Variants in LRRTM4 observed in about 807,000 individuals in gnomAD.
LRRTM4 encodes the protein leucine rich repeat transmembrane neuronal 4.
Under a neutral mutation model 47.6 loss-of-function variants are expected in LRRTM4, and 25 were observed. The observed-to-expected ratio is 0.53, with a 90% CI of 0.38 to 0.73. LRRTM4 has a LOEUF of 0.73. Ranked by LOEUF, LRRTM4 falls within the 30% of genes least tolerant of loss-of-function variation. The pLI is 0.00. For synonymous variants in LRRTM4, 311 were observed against 269.5 expected, an observed-to-expected ratio of 1.15 and a Z score of -1.51; for missense variants, 638 against 713.4, an observed-to-expected ratio of 0.89 and a Z score of 1.20.
At chr2:77,315,130 T>G (rs545513059) in intron 3 of LRRTM4, among the ~76,000 whole-genome samples, 3 of 152,328 alleles carry the variant, frequency 2.0e-5, no homozygotes, top group African/African-American at 7.2e-5. Flanking sequence ...ATTTGTACAC[T>G]GTTGCATGTA....
At chr2:77,031,947 C>CA (rs1395698858) in intron 3 of LRRTM4, among the ~76,000 whole-genome samples, 1 of 152,040 alleles carries the variant, frequency 6.6e-6, no homozygotes, top group African/African-American at 2.4e-5. Flanking sequence ...ACATGATTGT[C>CA]AACTCCTCTT....
chr2:76,909,093 ATAC>A lies in LRRTM4; in HGVS notation c.1552-160180_1552-160178del, dbSNP rs1249836332. Among the ~76,000 whole-genome samples the A allele has an allele frequency of 4.6e-5, 7 of 152,330 alleles. No individual in the cohort carries two copies. The East Asian group carries it at 1.2e-3, about 25-fold the overall frequency. ...GCATCACACTACCTGACTTCAAACT[ATAC>A]TACAAGGCTACAGTAACCAAAACAG... On this transcript the variant is annotated intron_variant, in intron 3 of 3. Transcript: ENST00000409884.
At chr2:77,310,197 G>C (rs115379954) in intron 3 of LRRTM4, among the ~76,000 whole-genome samples, 5 of 151,892 alleles carry the variant, frequency 3.3e-5, no homozygotes, top group African/African-American at 1.2e-4. Flanking sequence ...GTGTATGTAC[G>C]GGGAAGGACA....
rs1558728913 is a variant in LRRTM4, at chr2:77,407,695, TG to T, written c.1551+110622del. ...ATTATATAATATTTAATATAATATA[TG>T]ATATATATAATATATCATATATTAT... On this transcript the variant is annotated intron_variant, in intron 3 of 3. Transcript: ENST00000409884. Among the ~76,000 whole-genome samples the T allele has an allele frequency of 3.7e-5, 5 of 136,462 alleles. 1 individual carries two copies. Among genetic ancestry groups the T allele is most frequent in the East Asian group, 2.0e-4 (1 of 5,010 alleles). 89.5% of individuals were successfully genotyped at this position (136,462 alleles called of 152,430 possible).
intron 3 of LRRTM4, among the ~76,000 whole-genome samples, chr2:77,289,678 GC>G (rs560360871): frequency 1.3e-3 from 191 of 152,032 alleles, no homozygotes; most frequent in Non-Finnish European, 2.0e-3. Flanking sequence ...TCTATTTCTG[GC>G]TACAATGTAG....
At chr2:77,241,409 T>G (rs930718555) in intron 3 of LRRTM4, among the ~76,000 whole-genome samples, 2 of 152,072 alleles carry the variant, frequency 1.3e-5, no homozygotes, top group African/African-American at 2.4e-5. Context: ...TGTAAACATT[T>G]AGTTTAAAAT....
chr2:77,482,449 C>CAA (rs773188014), intron 3 of LRRTM4, among the ~76,000 whole-genome samples: 3 of 50,234 alleles, frequency 6.0e-5, no homozygotes, highest in Non-Finnish European at 1.2e-4. Flanking sequence ...TAAACACACA[C>CAA]ACACACACAC....
intron 3 of LRRTM4, among the ~76,000 whole-genome samples, chr2:76,925,762 T>A (rs62170330): frequency 0.18 from 27,892 of 152,108 alleles, 2,654 homozygotes; most frequent in Admixed American, 0.24. Flanking sequence ...GGCTTGTGGT[T>A]TTTACTATGC....
chr2:76,899,368 C>G (rs1370280325), intron 3 of LRRTM4, among the ~76,000 whole-genome samples: 2 of 146,072 alleles, frequency 1.4e-5, no homozygotes, highest in Admixed American at 6.9e-5. Flanking sequence ...TATATATAAA[C>G]TATATTTTAT....
At chr2:77,435,596 C>T (rs1403189336) in intron 3 of LRRTM4, among the ~76,000 whole-genome samples, 1 of 152,110 alleles carries the variant, frequency 6.6e-6, no homozygotes, top group East Asian at 1.9e-4. Flanking sequence ...ACCAAGAACC[C>T]AGCCACCTTT....
Position 76,822,644 on chromosome 2 carries a change from T to G in LRRTM4, c.1552-73728A>C, listed in dbSNP as rs369287016. Among the ~76,000 whole-genome samples the G allele has an allele frequency of 3.6e-4, 54 of 151,594 alleles. 1 individual carries two copies. The East Asian group carries it at 4.5e-3, about 13-fold the overall frequency. On this transcript the variant is annotated intron_variant, in intron 3 of 3. Transcript: ENST00000409884. ...ATAAAATACGCTAACCAGAACTGGC[T>G]TAGCAAATGTAGAAATCAAGGACAA... is the stretch of plus-strand genomic sequence containing the variant.
intron 3 of LRRTM4, among the ~76,000 whole-genome samples, chr2:77,184,064 CT>C (rs1359454147): frequency 2.8e-4 from 42 of 151,552 alleles, no homozygotes; most frequent in African/African-American, 9.7e-4. Context: ...CACATGTACC[CT>C]AAAACTTAAA....
At chr2:77,116,369 C>T (rs1005921757) in intron 3 of LRRTM4, among the ~76,000 whole-genome samples, 1 of 151,710 alleles carries the variant, frequency 6.6e-6, no homozygotes, top group Non-Finnish European at 1.5e-5. Context: ...AGAACTCACT[C>T]AAATTGAACA....
intron 3 of LRRTM4, among the ~76,000 whole-genome samples, chr2:77,075,243 T>C (rs1680293913): frequency 6.6e-6 from 1 of 152,346 alleles, no homozygotes; most frequent in South Asian, 2.1e-4. Context: ...AGGAACAGTT[T>C]TGTTTTTAAT....
intron 3 of LRRTM4, among the ~76,000 whole-genome samples, chr2:77,397,556 G>T (rs1215129108): frequency 1.3e-5 from 2 of 151,804 alleles, no homozygotes; most frequent in African/African-American, 4.8e-5. Context: ...GACTACAAAA[G>T]AGGCACACAC....
intron 3 of LRRTM4, among the ~76,000 whole-genome samples, chr2:77,298,868 G>C (rs1052672615): frequency 6.6e-6 from 1 of 152,044 alleles, no homozygotes; most frequent in African/African-American, 2.4e-5. Context: ...TTTGTTGATA[G>C]CTTAAATTAT....
chr2:77,356,121 G>A (rs960872015), intron 3 of LRRTM4, among the ~76,000 whole-genome samples: 5 of 152,066 alleles, frequency 3.3e-5, no homozygotes, highest in African/African-American at 1.2e-4. Context: ...TTATAAGTGG[G>A]CCTCGAATGC....
At chr2:77,452,769 T>G (rs1274928248) in intron 3 of LRRTM4, among the ~76,000 whole-genome samples, 1 of 152,172 alleles carries the variant, frequency 6.6e-6, no homozygotes, top group Non-Finnish European at 1.5e-5. Context: ...GAAAGAGAAT[T>G]TTGACGATGG....
Position 77,207,349 on chromosome 2 carries a change from G to GTGTA in LRRTM4, c.1551+310968_1551+310969insTACA, listed in dbSNP as rs375773430. Among the ~76,000 whole-genome samples, 878 of 120,842 alleles carry GTGTA rather than the reference G, an allele frequency of 7.3e-3. 16 individuals carry two copies. Among genetic ancestry groups the GTGTA allele is most frequent in the African/African-American group, 0.023 (628 of 27,336 alleles). The allele number at this position is 120,842 out of a possible 152,430, so 79.3% of individuals were successfully genotyped here. On this transcript the variant is annotated intron_variant, in intron 3 of 3. Coordinates refer to ENST00000409884, the MANE Select transcript of LRRTM4 (RefSeq NM_001134745.3). ...ATGTTTTTCCTAATTTCATATATGT[G>GTGTA]TATATATATATATATATATATATAC...
Sources: gnomAD v4.1 joint callset for allele counts (sites outside exome capture counted in the v4.1 genomes callset) on GRCh38, gnomAD v4.1.1 for gene constraint, MANE v1.5 for transcripts, NCBI Gene and HGNC (gene_info 2026-07-23, HGNC 2026-07-21) for gene names.